TAS2R1: variants seen among roughly 807,000 people sequenced by gnomAD.
TAS2R1 encodes taste receptor type 2 member 1.
For missense variants in TAS2R1, 370 were observed against 353.4 expected (o/e 1.05, Z -0.38); for synonymous variants, 141 against 134.2 (o/e 1.05, Z -0.35).
At chr5:9,894,264 C>T in the TAS2R1 span, among the ~76,000 whole-genome samples, 4 of 151,988 alleles carry the variant, frequency 2.6e-5, no homozygotes, top group East Asian at 1.9e-4. Flanking sequence ...ATTAGCCAGC[C>T]GTGGTGGTGT....
chr5:9,705,893 T>G (rs1424284427), intron 1 of TAS2R1, among the ~76,000 whole-genome samples: 1 of 151,980 alleles, frequency 6.6e-6, no homozygotes, highest in Non-Finnish European at 1.5e-5. Flanking sequence ...GTGCTAAAAC[T>G]AAAGCAGTTC....
At chr5:9,725,319 G>A in the TAS2R1 span, among the ~76,000 whole-genome samples, 98 of 152,232 alleles carry the variant, frequency 6.4e-4, no homozygotes, top group Non-Finnish European at 6.2e-4. Context: ...GGAGAGGCGC[G>A]AGCGGGAACC....
At chr5:9,864,632 C>CAA in the TAS2R1 span, among the ~76,000 whole-genome samples, 3 of 122,354 alleles carry the variant, frequency 2.5e-5, no homozygotes, top group African/African-American at 8.9e-5. Flanking sequence ...AGACTCCACT[C>CAA]AAAAAAAAAA....
chr5:9,650,015 GA>G (rs1366713093), intron 2 of TAS2R1, among the ~76,000 whole-genome samples: 1 of 152,110 alleles, frequency 6.6e-6, no homozygotes, highest in Non-Finnish European at 1.5e-5. Context: ...CACAAAGGGA[GA>G]TTGTTATATA....
At chr5:9,690,619 GA>G (rs566170048) in intron 1 of TAS2R1, among the ~76,000 whole-genome samples, 87 of 152,020 alleles carry the variant, frequency 5.7e-4, no homozygotes, top group African/African-American at 1.8e-3. Context: ...CAGAGGGGGG[GA>G]AAAAAGTGTG....
the TAS2R1 span, chr5:9,760,862 GA>G: frequency 6.6e-6 from 1 of 152,138 alleles, no homozygotes; most frequent in African/African-American, 2.4e-5. Context: ...AGTGCAATAT[GA>G]CAAGCAAGGG....
At chr5:9,734,319 G>T in the TAS2R1 span, among the ~76,000 whole-genome samples, 2 of 152,132 alleles carry the variant, frequency 1.3e-5, no homozygotes, top group African/African-American at 2.4e-5. Context: ...AGCCCAAACT[G>T]ACTAACACAA....
chr5:9,714,273 T>C (rs189633760), upstream of TAS2R1: 1 of 152,360 alleles, frequency 6.6e-6, no homozygotes, highest in Admixed American at 6.5e-5. Flanking sequence ...TCGCCATCAT[T>C]TCCAGGGAAT....
the TAS2R1 span, among the ~76,000 whole-genome samples, chr5:9,784,474 G>A: frequency 1.3e-5 from 2 of 152,240 alleles, no homozygotes; most frequent in African/African-American, 4.8e-5. Flanking sequence ...AACATTCAAT[G>A]TAGGCAAAGG....
intron 2 of TAS2R1, among the ~76,000 whole-genome samples, chr5:9,644,281 A>G (rs1195854021): frequency 1.3e-5 from 2 of 152,188 alleles, no homozygotes; most frequent in Non-Finnish European, 2.9e-5. Flanking sequence ...AATAACAACT[A>G]AAGGCTGTTG....
Position 9,705,726 on chromosome 5 carries a change from G to A in TAS2R1, c.-242+6446C>T, listed in dbSNP as rs529390244. 9.1e-4 allele frequency among the ~76,000 whole-genome samples: 139 copies of A among 152,262 alleles called. 1 individual carries two copies. The highest frequency in any genetic ancestry group is 3.2e-3 in the African/African-American group (135 of 41,556). Reference sequence around the variant, plus strand: ...ATACAAAAAATTAGCCGGGCATCGTGGTGCATGTCGGTAATCCCAGCTACT... The same window carrying A: ...ATACAAAAAATTAGCCGGGCATCGTAGTGCATGTCGGTAATCCCAGCTACT... On this transcript the variant is annotated intron_variant, in intron 1 of 2. Coordinates refer to the TAS2R1 transcript ENST00000506620.
rs1208591180 is a variant in TAS2R1 at position 9,629,025 on chromosome 5, G to T, written c.*108C>A. The T allele has an allele frequency of 8.4e-7, 1 of 1,186,482 alleles. No homozygotes were observed. The highest frequency in any genetic ancestry group is 1.2e-6 in the Non-Finnish European group (1 of 864,038). The allele number at this position is 1,186,482 out of a possible 1,614,324, so 73.5% of individuals were successfully genotyped here. On this transcript the variant is annotated 3_prime_UTR_variant, in exon 1 of 1. Transcript: ENST00000382492. The stretch of plus-strand genomic sequence containing the variant: ...AGGCTGGATAAACAGGCCTGAAGGG[G>T]ACATGTTGTATATTTATGAACAGGC...
the TAS2R1 span, among the ~76,000 whole-genome samples, chr5:9,801,478 T>C: frequency 6.6e-6 from 1 of 152,204 alleles, no homozygotes; most frequent in African/African-American, 2.4e-5. Context: ...CATCATAAAC[T>C]TTGGCTCCAA....
chr5:9,629,095 T>C lies in TAS2R1; in HGVS notation c.*38A>G, dbSNP rs1320223173. The C allele has an allele frequency of 2.7e-6, 4 of 1,504,104 alleles. No homozygotes were observed. The East Asian group carries it at 9.1e-5, about 34-fold the overall frequency. The allele number at this position is 1,504,104 out of a possible 1,614,324, so 93.2% of individuals were successfully genotyped here. On this transcript the variant is annotated 3_prime_UTR_variant, in exon 1 of 1. Transcript: ENST00000382492. ...AAGTGTGGCAGGCATGGGTAAATCA[T>C]TGAATCATGGGTTCTTTGAACTGAT...
intron 2 of TAS2R1, among the ~76,000 whole-genome samples, chr5:9,650,206 C>T (rs1740273114): frequency 6.6e-6 from 1 of 152,062 alleles, no homozygotes; most frequent in South Asian, 2.1e-4. Context: ...TCTAACGTTG[C>T]TTAAGAGATA....
At chr5:9,749,831 CA>C in the TAS2R1 span, among the ~76,000 whole-genome samples, 1 of 152,192 alleles carries the variant, frequency 6.6e-6, no homozygotes, top group African/African-American at 2.4e-5. Context: ...CCTTGGAGAA[CA>C]GGTGTCCTCC....
At chr5:9,703,577 T>C (rs1168839508) in intron 1 of TAS2R1, among the ~76,000 whole-genome samples, 1 of 151,438 alleles carries the variant, frequency 6.6e-6, no homozygotes, top group Admixed American at 6.6e-5. Flanking sequence ...TCAGCAGGAG[T>C]GACAGGAATG....
the TAS2R1 span, among the ~76,000 whole-genome samples, chr5:9,752,384 T>TAAAG: frequency 2.0e-5 from 3 of 152,194 alleles, no homozygotes; most frequent in East Asian, 5.8e-4. Context: ...GTTTCTTCTT[T>TAAAG]ACATGCTCTT....
At chr5:9,840,886 T>A in the TAS2R1 span, among the ~76,000 whole-genome samples, 10,568 of 102,810 alleles carry the variant, frequency 0.1, 913 homozygotes, top group East Asian at 0.32. Flanking sequence ...TTTTTTTTTT[T>A]TTTTTTTGAG....
Sources: allele counts gnomAD v4.1 joint callset (sites outside exome capture counted in the v4.1 genomes callset), GRCh38; gene constraint gnomAD v4.1.1; transcripts MANE v1.5; gene names NCBI Gene and HGNC (gene_info 2026-07-23, HGNC 2026-07-21).